MTMR10: variants seen among roughly 807,000 people sequenced by gnomAD.
MTMR10 encodes the protein myotubularin-related protein 10.
Under a neutral mutation model 88.1 loss-of-function variants are expected in MTMR10, and 56 were observed. That is an observed-to-expected ratio of 0.64 (90% CI 0.51 to 0.79). The LOEUF (loss-of-function observed/expected upper bound fraction) is 0.79. Among genes scored for constraint, MTMR10 ranks in the 30% least tolerant of loss-of-function variants. MTMR10 has a pLI of 0.00. For synonymous variants in MTMR10, 380 were observed against 340.9 expected (o/e 1.11, Z -1.26); for missense variants, 883 against 924.7 (o/e 0.95, Z 0.58).
At position 30,941,738 on chromosome 15, in the gene MTMR10, A is replaced by C. The variant is rs1378585638; in HGVS notation, c.2066T>G (p.Val689Gly). The C allele has an allele frequency of 6.2e-7, 1 of 1,613,830 alleles. No homozygotes were observed. Among genetic ancestry groups the C allele is most frequent in the Non-Finnish European group, 8.5e-7 (1 of 1,179,874 alleles). The change falls in exon 16 of 16, where the codon GTC (valine) becomes GGC (glycine). Residue 689 changes from valine (V) to glycine (G), a missense_variant. By Grantham distance (109) the Val-to-Gly change is moderately radical. Around this residue, in one of 3 missense-constraint regions of MTMR10, gnomAD observed 343 missense variants for 323.2 expected, o/e 1.06. Coordinates refer to ENST00000435680, the MANE Select transcript of MTMR10 (RefSeq NM_017762.3). ...CCGCAGCATCCTGCTCAGTACGTCG[A>C]CTTCATCAGCCAGGAGGGAGAGCTT... ...FHKLSLLADE[V>G]DVLSRMLRQQ...
At chr15:30,935,007 G>A (rs1387488296), downstream of MTMR10, among the ~76,000 whole-genome samples, 1 of 134,334 alleles carries the variant, frequency 7.4e-6, no homozygotes, top group Admixed American at 7.6e-5. Context: ...AGGTTTCTGT[G>A]TAGTCTCATT....
chr15:30,937,641 G>A (rs899644818), downstream of MTMR10, among the ~76,000 whole-genome samples: 1 of 151,336 alleles, frequency 6.6e-6, no homozygotes, highest in Non-Finnish European at 1.5e-5. Context: ...TAGTAGAGAC[G>A]GGGTTTCACC....
At chr15:30,946,540 G>C in intron 14 of MTMR10, 1 of 565,780 alleles carries the variant, frequency 1.8e-6, no homozygotes, top group Non-Finnish European at 3.1e-6. Flanking sequence ...TTCCTAGAAA[G>C]GCTTCCTGAA....
intron 6 of MTMR10, chr15:30,965,986 C>T: frequency 4.4e-6 from 2 of 454,208 alleles, no homozygotes; most frequent in African/African-American, 2.0e-5. Context: ...ATTCTGACTG[C>T]AGTGTGTGGA....
chr15:30,990,636 T>G (rs1416442556), intron 2 of MTMR10, 141 bp downstream of exon 2: 1 of 706,916 alleles, frequency 1.4e-6, no homozygotes, highest in Non-Finnish European at 2.3e-6. Context: ...CAGTTCCTTT[T>G]TCTCCTCTCA....
intron 13 of MTMR10, 52 bp downstream of exon 13, chr15:30,948,250 T>C (rs1205261816): frequency 8.0e-6 from 12 of 1,506,494 alleles, no homozygotes; most frequent in Non-Finnish European, 1.1e-5. Context: ...TGACACAAAT[T>C]TTATTTTGTG....
chr15:30,960,853 T>C lies in MTMR10; in HGVS notation c.758+28A>G, dbSNP rs1477234591. On this transcript the variant is annotated intron_variant, in intron 7 of 15. Transcript: ENST00000435680. ...TTCATAGGGAAGTGACTTCCAGCCA[T>C]ATATAACATTGCTAAAATTGTACTT... 1.9e-6 allele frequency: 3 copies of C among 1,551,394 alleles called. No homozygotes were observed. In the South Asian group the frequency reaches 3.6e-5, roughly 19 times the overall value.
At chr15:30,942,852 G>T (rs559837944) in intron 15 of MTMR10, 38 bp downstream of exon 15, 7 of 1,524,500 alleles carry the variant, frequency 4.6e-6, no homozygotes, top group East Asian at 2.4e-5. Flanking sequence ...GTTTGGTTAC[G>T]TGTGAGCCAA....
At chr15:30,966,195 C>T (rs191758365) in intron 6 of MTMR10, among the ~76,000 whole-genome samples, 7 of 152,136 alleles carry the variant, frequency 4.6e-5, no homozygotes, top group African/African-American at 1.4e-4. Context: ...TATTAATCAT[C>T]AAATTTTATC....
At position 30,941,127 on chromosome 15, in the gene MTMR10, T is replaced by G; in HGVS notation, c.*343A>C. On this transcript the variant is annotated 3_prime_UTR_variant, in exon 16 of 16. Coordinates refer to ENST00000435680, the MANE Select transcript of MTMR10 (RefSeq NM_017762.3). The stretch of plus-strand genomic sequence containing the variant: ...CACAAATTTCCTAACTTTCCTGTTG[T>G]CTGCTGCCTGGGGCTGCTAATGTGA... The G allele has an allele frequency of 7.9e-7, 1 of 1,268,768 alleles. No individual in the cohort carries two copies. Among genetic ancestry groups the G allele is most frequent in the Non-Finnish European group, 1.0e-6 (1 of 983,498 alleles). 78.6% of individuals were successfully genotyped at this position (1,268,768 alleles called of 1,614,324 possible). A position where few individuals can be genotyped will look rare whatever the true frequency, so the allele number is the denominator to read the frequency against.
the MTMR10 span, chr15:30,929,499 A>ACAC: frequency 1.4e-6 from 1 of 710,134 alleles, no homozygotes; most frequent in Non-Finnish European, 2.3e-6. Flanking sequence ...TGTATATGTA[A>ACAC]ATACATGTAT....
downstream of MTMR10, among the ~76,000 whole-genome samples, chr15:30,938,033 A>C (rs2062913372): frequency 6.6e-6 from 1 of 151,826 alleles, no homozygotes; most frequent in Non-Finnish European, 1.5e-5. Context: ...AAATACAAAA[A>C]ATTGGGTGGG....
chr15:30,946,784 G>A (rs1213725928), intron 14 of MTMR10: 4 of 701,256 alleles, frequency 5.7e-6, no homozygotes, highest in East Asian at 2.7e-5. Context: ...ACTGACCTAG[G>A]AAATAAATGT....
At chr15:30,976,750 T>C in intron 3 of MTMR10, 69 bp downstream of exon 3, 1 of 1,490,920 alleles carries the variant, frequency 6.7e-7, no homozygotes, top group East Asian at 2.3e-5. Flanking sequence ...ACCTATGTTT[T>C]ATATAATAAT....
the MTMR10 span, chr15:30,925,254 A>T: frequency 6.2e-7 from 1 of 1,614,158 alleles, no homozygotes; most frequent in Non-Finnish European, 8.5e-7. Flanking sequence ...CACCTCTTCC[A>T]GCAGCTCCCA....
chr15:30,930,212 T>TCC, the MTMR10 span, among the ~76,000 whole-genome samples: 14 of 151,668 alleles, frequency 9.2e-5, no homozygotes, highest in Non-Finnish European at 1.9e-4. Flanking sequence ...CCTTCTGTGT[T>TCC]CCTTCAACTG....
At chr15:30,959,392 C>G (rs2063370921) in intron 7 of MTMR10, among the ~76,000 whole-genome samples, 1 of 152,168 alleles carries the variant, frequency 6.6e-6, no homozygotes, top group African/African-American at 2.4e-5. Context: ...GACTATTAAA[C>G]ATGTATGTGT....
At chr15:30,955,016 G>C in intron 9 of MTMR10, 123 bp from the exon 10 acceptor site, 1 of 783,284 alleles carries the variant, frequency 1.3e-6, no homozygotes, top group Non-Finnish European at 1.8e-6. Flanking sequence ...CCTTCATGGA[G>C]TTTACTTTTT....
chr15:30,929,613 A>G, the MTMR10 span, among the ~76,000 whole-genome samples: 6 of 130,428 alleles, frequency 4.6e-5, no homozygotes, highest in East Asian at 1.2e-3. Flanking sequence ...TATTACATAT[A>G]TAATATATAT....
Sources: allele counts gnomAD v4.1 joint callset (sites outside exome capture counted in the v4.1 genomes callset), GRCh38; gene constraint gnomAD v4.1.1; regional missense constraint gnomAD v4.1.1; transcripts MANE v1.5; gene names NCBI Gene and HGNC (gene_info 2026-07-23, HGNC 2026-07-21).